Variants in PCDHA5 observed in about 807,000 individuals in gnomAD.
The protein encoded by PCDHA5 is protocadherin alpha 5.
PCDHA5 carries 43 observed loss-of-function variants against 61.6 expected under a neutral mutation model. That is an observed-to-expected ratio of 0.70 (90% CI 0.55 to 0.90). The LOEUF is 0.90. Among genes scored for constraint, PCDHA5 ranks in the 40% least tolerant of loss-of-function variants. The probability of loss-of-function intolerance (pLI) is 0.00; values close to 1 mark genes in which losing one functional copy is unlikely to be tolerated. For synonymous variants in PCDHA5, 627 were observed against 543.9 expected, an observed-to-expected ratio of 1.15 and a Z score of -2.13; for missense variants, 1,298 against 1,222.7, an observed-to-expected ratio of 1.06 and a Z score of -0.92.
chr5:140,882,323 C>G, intron 1 of PCDHA5: 1 of 1,614,216 alleles, frequency 6.2e-7, no homozygotes, highest in African/African-American at 1.3e-5. Context: ...GCTCTGGCTT[C>G]TGATCCTCGC....
At chr5:140,829,864 G>A in intron 1 of PCDHA5, 3 of 1,613,940 alleles carry the variant, frequency 1.9e-6, no homozygotes, top group Non-Finnish European at 2.5e-6. Flanking sequence ...GCCAAGTGGT[G>A]GCGAAGGTGC....
rs1252863979 is a variant in PCDHA5, at chr5:140,839,702, T to C, written c.2352+15575T>C. Among the ~76,000 whole-genome samples the C allele has an allele frequency of 2.6e-5, 4 of 152,086 alleles. 1 individual carries two copies. Among genetic ancestry groups the C allele is most frequent in the Non-Finnish European group, 5.9e-5 (4 of 68,020 alleles). On this transcript the variant is annotated intron_variant, in intron 1 of 3. Transcript: ENST00000529859. ...CAGAGATTTTTTTGGGTAAATAATG[T>C]GATGACAAATTTAAATCATTTCACA...
chr5:140,852,575 CTTTT>C, intron 1 of PCDHA5: 1 of 799,032 alleles, frequency 1.3e-6, no homozygotes, highest in Non-Finnish European at 1.5e-6. Context: ...TGTGCCAAGG[CTTTT>C]TTATTTTTTT....
chr5:140,843,914 A>C, intron 1 of PCDHA5: 1 of 621,414 alleles, frequency 1.6e-6, no homozygotes, highest in Non-Finnish European at 2.8e-6. Flanking sequence ...AGTTGGGTCT[A>C]TCTTGAAACT....
In PCDHA5 at chr5:141,011,530, T is replaced by C. The variant is rs1427621980; in HGVS notation, c.*1593T>C. 7 of 153,810 alleles carry C rather than the reference T, an allele frequency of 4.6e-5. No individual in the cohort carries two copies. The highest frequency in any genetic ancestry group is 1.7e-4 in the African/African-American group (7 of 41,470). The allele number at this position is 153,810 out of a possible 1,614,324, so 9.5% of individuals were successfully genotyped here. Reference sequence around the variant, plus strand: ...TGGAGTAGTGTTTTTTTAACCATTGTTAATCAGCTTTTGTGTATGAAAGAC... The same window carrying C: ...TGGAGTAGTGTTTTTTTAACCATTGCTAATCAGCTTTTGTGTATGAAAGAC... On this transcript the variant is annotated 3_prime_UTR_variant, in exon 4 of 4. Transcript: ENST00000529859.
chr5:140,928,256 C>G (rs1192362928), intron 1 of PCDHA5: 19 of 1,614,116 alleles, frequency 1.2e-5, no homozygotes, highest in Non-Finnish European at 1.5e-5. Flanking sequence ...CTTTTCGTTG[C>G]TGAAAACAAT....
chr5:140,851,850 C>T (rs2042178583), intron 1 of PCDHA5: 1 of 971,904 alleles, frequency 1.0e-6, no homozygotes, highest in South Asian at 4.8e-5. Context: ...TTTTTCTCCT[C>T]TCAGCTCATA....
chr5:140,879,491 T>G (rs2153367311), intron 1 of PCDHA5, among the ~76,000 whole-genome samples: 1 of 152,338 alleles, frequency 6.6e-6, no homozygotes. Flanking sequence ...AATATGGGTC[T>G]GGATCTCAGA....
intron 1 of PCDHA5, chr5:140,851,113 A>C: frequency 1.5e-6 from 2 of 1,303,480 alleles, no homozygotes; most frequent in East Asian, 5.4e-5. Context: ...GTGCTGAATC[A>C]ATTTTATTTA....
intron 1 of PCDHA5, chr5:140,870,613 T>C (rs1562647895): frequency 1.2e-6 from 2 of 1,613,078 alleles, no homozygotes; most frequent in Non-Finnish European, 1.7e-6. Flanking sequence ...CCGCGCGCTG[T>C]CGAGCTACGT....
chr5:140,917,370 C>G (rs571895312), intron 1 of PCDHA5, among the ~76,000 whole-genome samples: 24 of 150,458 alleles, frequency 1.6e-4, no homozygotes, highest in African/African-American at 5.8e-4. Context: ...CTATCTTGCT[C>G]CACCTCAATA....
At chr5:140,937,718 C>T (rs538350541) in intron 1 of PCDHA5, among the ~76,000 whole-genome samples, 1 of 152,076 alleles carries the variant, frequency 6.6e-6, no homozygotes, top group South Asian at 2.1e-4. Context: ...CAAGACCATC[C>T]TGGCTAACAC....
chr5:141,010,201 C>A lies in PCDHA5; in HGVS notation c.*264C>A, dbSNP rs782495760. On this transcript the variant is annotated 3_prime_UTR_variant, in exon 4 of 4. Transcript: ENST00000529859. ...GCAGACCCAAGTTTCCTTTCTCCTC[C>A]GCCGCAAAGGAGAGGCTTCCCAGCC... 5.0e-5 allele frequency: 77 copies of A among 1,551,916 alleles called. No individual in the cohort carries two copies. The highest frequency in any genetic ancestry group is 6.1e-5 in the Non-Finnish European group (70 of 1,147,084).
intron 1 of PCDHA5, among the ~76,000 whole-genome samples, chr5:140,887,955 C>A (rs568878730): frequency 4.4e-4 from 67 of 152,206 alleles, no homozygotes; most frequent in African/African-American, 1.6e-3. Flanking sequence ...GTATAAGATT[C>A]TTTTTGTCTC....
At chr5:140,935,673 A>T (rs1462991962) in intron 1 of PCDHA5, among the ~76,000 whole-genome samples, 1 of 152,180 alleles carries the variant, frequency 6.6e-6, no homozygotes, top group Non-Finnish European at 1.5e-5. Flanking sequence ...AATTATGTGA[A>T]ATATTTACAT....
chr5:140,962,889 A>G (rs1554226313), intron 1 of PCDHA5, among the ~76,000 whole-genome samples: 2 of 152,220 alleles, frequency 1.3e-5, no homozygotes, highest in Admixed American at 6.5e-5. Flanking sequence ...GAATTAAAAA[A>G]TGAAAACTAG....
intron 1 of PCDHA5, chr5:140,870,432 G>T (rs368823990): frequency 4.3e-6 from 7 of 1,614,134 alleles, no homozygotes; most frequent in Non-Finnish European, 5.1e-6. Flanking sequence ...TATCCGTGGA[G>T]GTGGCCGACG....
intron 1 of PCDHA5, among the ~76,000 whole-genome samples, chr5:140,904,023 A>G (rs2070780912): frequency 1.3e-5 from 2 of 152,198 alleles, no homozygotes; most frequent in Admixed American, 6.5e-5. Flanking sequence ...AAATAATGGT[A>G]TAATTTAACT....
intron 1 of PCDHA5, chr5:140,842,796 A>T (rs2150344571): frequency 6.3e-7 from 1 of 1,594,198 alleles, no homozygotes. Flanking sequence ...CTGGTGTCCT[A>T]CTCGCTTGTG....
Sources: gnomAD v4.1 joint callset for allele counts (sites outside exome capture counted in the v4.1 genomes callset) on GRCh38, gnomAD v4.1.1 for gene constraint, MANE v1.5 for transcripts, NCBI Gene and HGNC (gene_info 2026-07-23, HGNC 2026-07-21) for gene names.